Variants in ZNF106 observed in about 807,000 individuals in gnomAD.
ZNF106 encodes the protein zinc finger protein 106, also known as SH3-domain binding protein 3.
A neutral mutation model predicts 195.1 loss-of-function variants in ZNF106; 67 were observed. The ratio of observed to expected loss-of-function variants is 0.34; its 90% CI spans 0.28 to 0.42. The LOEUF (loss-of-function observed/expected upper bound fraction) is 0.42. Among genes scored for constraint, ZNF106 ranks in the 10% least tolerant of loss-of-function variants. The pLI is 1.00. For missense variants in ZNF106, 2,118 were observed against 2,304.5 expected, an observed-to-expected ratio of 0.92 and a Z score of 1.66; for synonymous variants, 784 against 818.6, an observed-to-expected ratio of 0.96 and a Z score of 0.72.
chr15:42,437,853 G>A (rs2055341852), intron 12 of ZNF106, among the ~76,000 whole-genome samples: 1 of 146,362 alleles, frequency 6.8e-6, no homozygotes, highest in African/African-American at 2.6e-5. Flanking sequence ...GTTGCAGTGA[G>A]CCAAGATCAC....
At chr15:42,430,497 AG>A (rs2055010935) in intron 14 of ZNF106, among the ~76,000 whole-genome samples, 1 of 151,994 alleles carries the variant, frequency 6.6e-6, no homozygotes, top group Non-Finnish European at 1.5e-5. Context: ...CTCCCACCTC[AG>A]CCTCCCGAGT....
At chr15:42,489,486 C>T (rs1365364981) in intron 1 of ZNF106, among the ~76,000 whole-genome samples, 1 of 152,076 alleles carries the variant, frequency 6.6e-6, no homozygotes, top group African/African-American at 2.4e-5. Context: ...CCCTTCCAGG[C>T]CATTTTAAAG....
intron 12 of ZNF106, among the ~76,000 whole-genome samples, chr15:42,437,886 GACA>G (rs1401720967): frequency 1.4e-5 from 2 of 140,300 alleles, no homozygotes; most frequent in African/African-American, 5.4e-5. Context: ...CAGCCTGGGC[GACA>G]ACGACTCCGT....
At chr15:42,487,603 T>A (rs1348854949) in intron 1 of ZNF106, among the ~76,000 whole-genome samples, 2 of 152,068 alleles carry the variant, frequency 1.3e-5, no homozygotes, top group Non-Finnish European at 1.5e-5. Context: ...TTATTTGTTT[T>A]CCAGAGATAT....
intron 10 of ZNF106, 130 bp from the exon 11 acceptor site, chr15:42,439,943 C>T: frequency 1.1e-6 from 1 of 934,502 alleles, no homozygotes. Context: ...GTATCTCACC[C>T]CTCAGTTTCC....
Position 42,451,017 on chromosome 15 carries a change from C to T in ZNF106, c.1255G>A (p.Glu419Lys). 1 of 1,614,176 alleles carries T rather than the reference C, an allele frequency of 6.2e-7. No homozygotes were observed. Among genetic ancestry groups the T allele is most frequent in the Non-Finnish European group, 8.5e-7 (1 of 1,180,028 alleles). Residue 419 changes from glutamate to lysine, a missense_variant, in exon 5 of 22, where the codon GAA (glutamate) becomes AAA (lysine). Coordinates refer to ENST00000564754, the MANE Select transcript of ZNF106 (RefSeq NM_001366845.3). ...TTCTGTGTTGGGGAATTACGTGTTT[C>T]ATCAGTTTGGGGCTCCTGTATTCCT... is the stretch of plus-strand genomic sequence containing the variant. ...TTGIQEPQTD[E>K]TRNSPTQKTQ...
intron 3 of ZNF106, among the ~76,000 whole-genome samples, chr15:42,464,723 A>G (rs962317789): frequency 2.6e-5 from 4 of 151,842 alleles, no homozygotes; most frequent in Non-Finnish European, 4.4e-5. Flanking sequence ...GGCAGGGGAT[A>G]GAGACAGGTG....
At position 42,424,097 on chromosome 15, in the gene ZNF106, C is replaced by T. The variant is rs369185306; in HGVS notation, c.5191-37G>A. On this transcript the variant is annotated intron_variant, in intron 16 of 21. Coordinates refer to ENST00000564754, the MANE Select transcript of ZNF106 (RefSeq NM_001366845.3). Reference sequence around the variant, plus strand: ...AATTAAACAAGTCAGATTCTGTATACGGTTCTTAATTTTCTCTATAACTTG... The same window carrying T: ...AATTAAACAAGTCAGATTCTGTATATGGTTCTTAATTTTCTCTATAACTTG... The T allele has an allele frequency of 3.6e-4, 561 of 1,571,372 alleles. 1 individual carries two copies. The highest frequency in any genetic ancestry group is 1.6e-3 in the South Asian group (141 of 85,810).
chr15:42,475,270 T>C (rs1028304609), intron 1 of ZNF106, among the ~76,000 whole-genome samples: 7 of 151,998 alleles, frequency 4.6e-5, no homozygotes, highest in African/African-American at 1.7e-4. Context: ...CTGGCCAACA[T>C]GTCTCTATTA....
At chr15:42,444,112 C>CAAA (rs58966014) in intron 9 of ZNF106, 90 bp downstream of exon 9, 348 of 248,794 alleles carry the variant, frequency 1.4e-3, no homozygotes, top group South Asian at 1.9e-3. Context: ...ACTCTGTCTC[C>CAAA]AAAAAAAAAA....
chr15:42,457,996 T>C (rs1447899079), intron 3 of ZNF106, among the ~76,000 whole-genome samples: 3 of 152,212 alleles, frequency 2.0e-5, no homozygotes, highest in African/African-American at 7.2e-5. Flanking sequence ...TCCACAGCTG[T>C]AGCAGATCAG....
intron 2 of ZNF106, among the ~76,000 whole-genome samples, chr15:42,470,078 T>C (rs1309563168): frequency 1.3e-5 from 2 of 152,026 alleles, no homozygotes; most frequent in Non-Finnish European, 2.9e-5. Flanking sequence ...ACAAAAAATA[T>C]GACCAGGTGT....
chr15:42,442,407 A>C lies in ZNF106; in HGVS notation c.3429T>G (p.Tyr1143Ter), dbSNP rs975763487. 6.2e-7 allele frequency: 1 copy of C among 1,605,394 alleles called. No homozygotes were observed. The highest frequency in any genetic ancestry group is 1.3e-5 in the African/African-American group (1 of 74,484). ...IQILQGLQET[Y>*]EPSEHPDQVP... ...CCTGGTCTGGGTGCTCAGAAGGTTC[A>C]TATGTTTCTAGAATGGGAAACATAC... The change falls in exon 10 of 22, where the codon TAT becomes TAG. Residue 1143 changes from tyrosine (Y) to a stop codon, truncating the protein, a stop_gained. Transcript: ENST00000564754. LOFTEE classifies it high-confidence loss of function.
chr15:42,457,973 T>G (rs1220837831), intron 3 of ZNF106, among the ~76,000 whole-genome samples: 5 of 152,180 alleles, frequency 3.3e-5, no homozygotes, highest in African/African-American at 1.2e-4. Context: ...CAGAAGCCAG[T>G]CTTGAATCAG....
intron 1 of ZNF106, among the ~76,000 whole-genome samples, chr15:42,487,131 CAA>C (rs2057035247): frequency 6.6e-6 from 1 of 151,708 alleles, no homozygotes; most frequent in Admixed American, 6.6e-5. Flanking sequence ...GCCTGGGCAA[CAA>C]GAGTGAAACT....
intron 2 of ZNF106, among the ~76,000 whole-genome samples, chr15:42,471,030 T>C (rs1386004641): frequency 6.6e-6 from 1 of 152,210 alleles, no homozygotes; most frequent in Non-Finnish European, 1.5e-5. Context: ...CATCCAACAC[T>C]GTTTATCAAC....
At chr15:42,440,101 C>G (rs918231692) in intron 10 of ZNF106, among the ~76,000 whole-genome samples, 1 of 152,228 alleles carries the variant, frequency 6.6e-6, no homozygotes, top group African/African-American at 2.4e-5. Context: ...AATGTCCACA[C>G]ATTTAACATT....
chr15:42,472,902 C>G (rs986013547), intron 1 of ZNF106, among the ~76,000 whole-genome samples: 1 of 151,174 alleles, frequency 6.6e-6, no homozygotes, highest in Non-Finnish European at 1.5e-5. Context: ...ACCAGCTACT[C>G]AGGAGGCTAA....
chr15:42,439,022 A>C lies in ZNF106; in HGVS notation c.4544+11T>G. 6.2e-7 allele frequency: 1 copy of C among 1,602,112 alleles called. No individual in the cohort carries two copies. Among genetic ancestry groups the C allele is most frequent in the Non-Finnish European group, 8.5e-7 (1 of 1,174,450 alleles). On this transcript the variant is annotated intron_variant, in intron 11 of 21. Transcript: ENST00000564754. ...AAAGTTGTTCTGACTGGACCAATAC[A>C]ATATTCTTACCTTACAGGGATGCCA... is the stretch of plus-strand genomic sequence containing the variant.
Sources: allele counts gnomAD v4.1 joint callset (sites outside exome capture counted in the v4.1 genomes callset), GRCh38; gene constraint gnomAD v4.1.1; transcripts MANE v1.5; gene names NCBI Gene and HGNC (gene_info 2026-07-23, HGNC 2026-07-21).